The following ZNF644 variants were observed in gnomAD, a reference collection of about 807,000 sequenced individuals.
ZNF644 encodes the protein zinc finger motif enhancer binding protein 2.
A neutral mutation model predicts 108.0 loss-of-function variants in ZNF644; 20 were observed. That is an observed-to-expected ratio of 0.19 (90% CI 0.13 to 0.27). The LOEUF is 0.27. Among genes scored for constraint, ZNF644 ranks in the 10% least tolerant of loss-of-function variants. ZNF644 has a pLI of 1.00. For missense variants in ZNF644, 1,338 were observed against 1,548.9 expected (o/e 0.86, Z 2.29); for synonymous variants, 542 against 539.1 (o/e 1.01, Z -0.08).
chr1:90,954,550 G>A (rs1326683022), intron 2 of ZNF644, among the ~76,000 whole-genome samples: 1 of 152,056 alleles, frequency 6.6e-6, no homozygotes, highest in African/African-American at 2.4e-5. Context: ...GGGATTACAG[G>A]CTTGCACAAC....
intron 2 of ZNF644, among the ~76,000 whole-genome samples, chr1:90,952,544 A>G (rs1387225114): frequency 2.0e-5 from 3 of 152,186 alleles, no homozygotes; most frequent in Non-Finnish European, 4.4e-5. Context: ...CTTCCAACAG[A>G]AACAGAAATC....
At chr1:90,987,250 T>A (rs551549459) in intron 1 of ZNF644, among the ~76,000 whole-genome samples, 2 of 141,724 alleles carry the variant, frequency 1.4e-5, no homozygotes, top group Non-Finnish European at 3.0e-5. Context: ...GAGTTGGTTT[T>A]TTTTTTTTTT....
chr1:90,966,862 AG>A (rs753108390), intron 2 of ZNF644, among the ~76,000 whole-genome samples: 2 of 151,558 alleles, frequency 1.3e-5, no homozygotes, highest in Non-Finnish European at 2.9e-5. Flanking sequence ...CTCACGTGAT[AG>A]GAGCACTTTG....
At chr1:90,993,666 A>G (rs757095776) in intron 1 of ZNF644, among the ~76,000 whole-genome samples, 4 of 152,152 alleles carry the variant, frequency 2.6e-5, no homozygotes, top group Non-Finnish European at 4.4e-5. Flanking sequence ...GAACAAATCT[A>G]TTTCATTCTT....
chr1:90,982,267 C>A (rs1455883745), intron 2 of ZNF644, 43 bp downstream of exon 2: 2 of 1,507,886 alleles, frequency 1.3e-6, no homozygotes, highest in East Asian at 4.5e-5. Context: ...TTGTATTATT[C>A]CTACCTTGAT....
chr1:90,997,788 C>T (rs1658300430), intron 1 of ZNF644, among the ~76,000 whole-genome samples: 1 of 152,200 alleles, frequency 6.6e-6, no homozygotes, highest in African/African-American at 2.4e-5. Context: ...AATTAATTCC[C>T]TTTCCAAGCA....
At chr1:90,976,493 GCAA>G (rs1653370607) in intron 2 of ZNF644, among the ~76,000 whole-genome samples, 1 of 152,166 alleles carries the variant, frequency 6.6e-6, no homozygotes, top group African/African-American at 2.4e-5. Flanking sequence ...TATAGCCATG[GCAA>G]AATTCTTTGG....
chr1:91,013,447 TCTCTCACACA>T (rs1187084988), intron 1 of ZNF644, among the ~76,000 whole-genome samples: 3 of 76,240 alleles, frequency 3.9e-5, no homozygotes, highest in African/African-American at 1.1e-4. Flanking sequence ...TTCCAATCTC[TCTCTCACACA>T]CACACACACA....
intron 4 of ZNF644, among the ~76,000 whole-genome samples, chr1:90,923,836 A>G (rs1146427): frequency 0.097 from 14,814 of 152,228 alleles, 912 homozygotes; most frequent in South Asian, 0.15. Flanking sequence ...TTATTAGTCC[A>G]CAAGGACTGG....
chr1:90,921,236 A>G (rs1445825167), intron 4 of ZNF644, among the ~76,000 whole-genome samples: 1 of 152,148 alleles, frequency 6.6e-6, no homozygotes, highest in East Asian at 1.9e-4. Flanking sequence ...AGAACATTAA[A>G]TACAGATCAC....
chr1:90,958,037 A>T (rs954529397), intron 2 of ZNF644, among the ~76,000 whole-genome samples: 10 of 151,966 alleles, frequency 6.6e-5, no homozygotes, highest in Admixed American at 2.0e-4. Context: ...ATCAAAAATT[A>T]AAAAATAACC....
At chr1:90,996,849 T>C (rs779290308) in intron 1 of ZNF644, among the ~76,000 whole-genome samples, 7 of 152,092 alleles carry the variant, frequency 4.6e-5, no homozygotes, top group Non-Finnish European at 1.0e-4. Flanking sequence ...TTGGAGCTCT[T>C]TTAGTACCTC....
chr1:91,001,630 C>A lies in ZNF644; in HGVS notation c.-17-19260G>T, dbSNP rs1658838040. 5.3e-5 allele frequency among the ~76,000 whole-genome samples: 8 copies of A among 152,286 alleles called. No individual in the cohort carries two copies. In the South Asian group the frequency reaches 1.5e-3, roughly 28 times the overall value. On this transcript the variant is annotated intron_variant, in intron 1 of 5. Coordinates refer to ENST00000337393, the MANE Select transcript of ZNF644 (RefSeq NM_201269.3). ...ATTCCCTTTGAAAACTGGCACAAGA[C>A]AGGGATGCCTTCTCTCACCACTCCT...
chr1:90,924,430 A>G (rs577612936), intron 4 of ZNF644, among the ~76,000 whole-genome samples: 2 of 152,286 alleles, frequency 1.3e-5, no homozygotes, highest in East Asian at 3.9e-4. Context: ...ATTACAAACA[A>G]AATAATCACA....
Position 90,938,271 on chromosome 1 carries a change from C to T in ZNF644, c.3082+1G>A, listed in dbSNP as rs747786488. On this transcript the variant is annotated splice_donor_variant, in intron 3 of 5. Coordinates refer to ENST00000337393, the MANE Select transcript of ZNF644 (RefSeq NM_201269.3). LOFTEE classifies it high-confidence loss of function. The surrounding 1 kb of genome is among the most constrained non-coding windows in gnomAD (Gnocchi z 4.2). ...CCAAATCATCCCCATGGAGAACTTA[C>T]CTTTTCTAACTCGTTTAACAGGTGT... The T allele has an allele frequency of 6.2e-7, 1 of 1,613,958 alleles. No homozygotes were observed.
At chr1:90,942,888 T>G (rs918987793) in intron 2 of ZNF644, among the ~76,000 whole-genome samples, 3 of 152,204 alleles carry the variant, frequency 2.0e-5, no homozygotes, top group African/African-American at 4.8e-5. Flanking sequence ...AGTAGTGCCA[T>G]GCATTGTTCC....
rs182716677 is a variant in ZNF644 at position 91,004,739 on chromosome 1, T to C, written c.-18+17251A>G. On this transcript the variant is annotated intron_variant, in intron 1 of 5. Coordinates refer to ENST00000337393, the MANE Select transcript of ZNF644 (RefSeq NM_201269.3). ...GAGCTATATAGGAGCAAAATGTTTG[T>C]ATATTATTAAAATTTACAGTATTAA... Among the ~76,000 whole-genome samples the C allele has an allele frequency of 1.2e-4, 19 of 152,302 alleles. No individual in the cohort carries two copies. The East Asian group carries it at 2.7e-3, about 22-fold the overall frequency.
intron 4 of ZNF644, among the ~76,000 whole-genome samples, chr1:90,931,129 T>C (rs1433768961): frequency 2.0e-5 from 3 of 152,128 alleles, no homozygotes; most frequent in South Asian, 2.1e-4. Flanking sequence ...GTCACTCCAT[T>C]AATAACTTAA....
intron 2 of ZNF644, among the ~76,000 whole-genome samples, chr1:90,942,402 GT>G (rs1652088333): frequency 6.6e-6 from 1 of 151,976 alleles, no homozygotes; most frequent in African/African-American, 2.4e-5. Flanking sequence ...CTTGCAACCT[GT>G]TTTTTTCCTG....
Sources: allele counts gnomAD v4.1 joint callset (sites outside exome capture counted in the v4.1 genomes callset), GRCh38; gene constraint gnomAD v4.1.1; non-coding constraint Gnocchi (gnomAD v3.1); transcripts MANE v1.5; gene names NCBI Gene and HGNC (gene_info 2026-07-23, HGNC 2026-07-21).